ARHGAP24: variants seen among roughly 807,000 people sequenced by gnomAD.
ARHGAP24 encodes the protein rho GTPase-activating protein 24.
ARHGAP24 carries 50 observed loss-of-function variants against 76.4 expected under a neutral mutation model. That is an observed-to-expected ratio of 0.65 (90% CI 0.52 to 0.83). The LOEUF (loss-of-function observed/expected upper bound fraction) is 0.83. Among genes scored for constraint, ARHGAP24 ranks in the 40% least tolerant of loss-of-function variants. The pLI is 0.00. For missense variants in ARHGAP24, 930 were observed against 914.2 expected, an observed-to-expected ratio of 1.02 and a Z score of -0.22; for synonymous variants, 345 against 323.3, an observed-to-expected ratio of 1.07 and a Z score of -0.72.
chr4:85,614,193 C>T (rs895023568), intron 2 of ARHGAP24, among the ~76,000 whole-genome samples: 4 of 152,002 alleles, frequency 2.6e-5, no homozygotes, highest in Admixed American at 2.0e-4. Flanking sequence ...TCTTATGCCC[C>T]GAAATGTCTT....
At chr4:85,678,008 C>T (rs1243807505) in intron 2 of ARHGAP24, among the ~76,000 whole-genome samples, 2 of 151,570 alleles carry the variant, frequency 1.3e-5, no homozygotes, top group Non-Finnish European at 2.9e-5. Context: ...CTACTGTGCT[C>T]CAGCCTGGGC....
At chr4:85,860,627 G>A (rs1009497803) in intron 3 of ARHGAP24, among the ~76,000 whole-genome samples, 3 of 152,072 alleles carry the variant, frequency 2.0e-5, no homozygotes, top group Middle Eastern at 3.4e-3. Flanking sequence ...AGGATGGGAC[G>A]ACCGTGAAAT....
chr4:85,570,384 TTC>T, intron 1 of ARHGAP24, 136 bp from the exon 2 acceptor site: 1 of 17,664 alleles, frequency 5.7e-5, no homozygotes, highest in South Asian at 5.9e-4. Context: ...CTTTCTTTCT[TTC>T]TTTCTTTCTT....
In ARHGAP24 at chr4:85,519,593, A is replaced by G. The variant is rs151083047; in HGVS notation, c.-21+44034A>G. On this transcript the variant is annotated intron_variant, in intron 1 of 9. Transcript: ENST00000395184. ...TTTATACACATAAAATTAGATCTCA[A>G]CAAAATTATAAAGTCCACTATGTTA... Among the ~76,000 whole-genome samples, 1,017 of 152,302 alleles carry G rather than the reference A, an allele frequency of 6.7e-3. 9 individuals carry two copies. The highest frequency in any genetic ancestry group is 0.023 in the African/African-American group (955 of 41,566).
At chr4:85,798,851 GTAT>G (rs1458266488) in intron 3 of ARHGAP24, among the ~76,000 whole-genome samples, 1 of 152,038 alleles carries the variant, frequency 6.6e-6, no homozygotes, top group East Asian at 1.9e-4. Flanking sequence ...AAACAAAAAA[GTAT>G]TAATAATTAG....
intron 1 of ARHGAP24, among the ~76,000 whole-genome samples, chr4:85,564,995 A>G (rs1263272180): frequency 6.9e-6 from 1 of 144,576 alleles, no homozygotes; most frequent in Non-Finnish European, 1.5e-5. Flanking sequence ...ACACCCACAC[A>G]TACACACACC....
At chr4:85,916,286 A>G (rs1344638465) in intron 3 of ARHGAP24, among the ~76,000 whole-genome samples, 2 of 151,954 alleles carry the variant, frequency 1.3e-5, no homozygotes, top group Admixed American at 1.3e-4. Flanking sequence ...TAGTTTATTT[A>G]AGTTCCTTGT....
Position 85,666,959 on chromosome 4 carries a change from T to C in ARHGAP24, c.181-54926T>C, listed in dbSNP as rs546537545. On this transcript the variant is annotated intron_variant, in intron 2 of 9. Coordinates refer to ENST00000395184, the MANE Select transcript of ARHGAP24 (RefSeq NM_001025616.3). ...CAGGGGTCATGGGTCAGGGACCCAC[T>C]TGAGGAGGCAGTCTGCCCGTTCTCA... Among the ~76,000 whole-genome samples, 307 of 152,328 alleles carry C rather than the reference T, an allele frequency of 2.0e-3. 3 individuals carry two copies. In the Middle Eastern group the frequency reaches 0.02, roughly 10 times the overall value.
intron 2 of ARHGAP24, among the ~76,000 whole-genome samples, chr4:85,713,638 A>G (rs548848344): frequency 1.3e-5 from 2 of 152,158 alleles, no homozygotes; most frequent in African/African-American, 4.8e-5. Context: ...TCTGACTATC[A>G]GCTGCATGCT....
chr4:85,703,053 G>A (rs75367621), intron 2 of ARHGAP24, among the ~76,000 whole-genome samples: 20,633 of 151,420 alleles, frequency 0.14, 1,821 homozygotes, highest in East Asian at 0.33. Flanking sequence ...GAATATAAAA[G>A]AAACTAAGGA....
At chr4:85,828,493 A>G (rs2110132176) in intron 3 of ARHGAP24, among the ~76,000 whole-genome samples, 1 of 150,904 alleles carries the variant, frequency 6.6e-6, no homozygotes, top group African/African-American at 2.4e-5. Context: ...CTACTTGGCC[A>G]TTTGTGTGTG....
At chr4:85,953,109 G>A (rs1353121936) in intron 5 of ARHGAP24, among the ~76,000 whole-genome samples, 3 of 152,090 alleles carry the variant, frequency 2.0e-5, no homozygotes, top group African/African-American at 7.2e-5. Context: ...ATTAACTGCT[G>A]GGCAACAGAA....
At chr4:85,889,784 A>G (rs1192081951) in intron 3 of ARHGAP24, among the ~76,000 whole-genome samples, 9 of 152,170 alleles carry the variant, frequency 5.9e-5, no homozygotes, top group Admixed American at 5.2e-4. Flanking sequence ...TGGTACTTCT[A>G]TCATTTACAG....
chr4:85,941,976 GT>G, intron 4 of ARHGAP24, 89 bp from the exon 5 acceptor site: 1 of 1,335,912 alleles, frequency 7.5e-7, no homozygotes, highest in Non-Finnish European at 1.1e-6. Context: ...TCCAATCTTT[GT>G]TTTTCTGTTA....
intron 3 of ARHGAP24, among the ~76,000 whole-genome samples, chr4:85,803,929 TTC>T (rs1468297091): frequency 2.0e-5 from 3 of 151,714 alleles, no homozygotes; most frequent in African/African-American, 7.3e-5. Context: ...AATGGACAAA[TTC>T]TTTTTTTTTT....
At chr4:85,581,208 A>G (rs1727595255) in intron 2 of ARHGAP24, among the ~76,000 whole-genome samples, 1 of 152,140 alleles carries the variant, frequency 6.6e-6, no homozygotes, top group South Asian at 2.1e-4. Context: ...ACTAAAATAT[A>G]GCATAATAAG....
chr4:85,610,451 CAAAAAAAAAAA>C (rs57348830), intron 2 of ARHGAP24, among the ~76,000 whole-genome samples: 1 of 51,240 alleles, frequency 2.0e-5, no homozygotes, highest in Non-Finnish European at 3.2e-5. Flanking sequence ...ACTCCATCTA[CAAAAAAAAAAA>C]AAAAAAAAAA....
intron 3 of ARHGAP24, among the ~76,000 whole-genome samples, chr4:85,883,419 G>A (rs745866972): frequency 1.3e-5 from 2 of 152,118 alleles, no homozygotes; most frequent in Non-Finnish European, 2.9e-5. Context: ...TGCGGCTTAG[G>A]CTGAAAATGC....
At chr4:85,910,277 C>G (rs1177218667) in intron 3 of ARHGAP24, among the ~76,000 whole-genome samples, 1 of 152,164 alleles carries the variant, frequency 6.6e-6, no homozygotes. Flanking sequence ...CCCTGAGGGA[C>G]CACGGTTCTT....
Sources: allele counts gnomAD v4.1 joint callset (sites outside exome capture counted in the v4.1 genomes callset), GRCh38; gene constraint gnomAD v4.1.1; transcripts MANE v1.5; gene names NCBI Gene and HGNC (gene_info 2026-07-23, HGNC 2026-07-21).